The following GALNT13 variants were observed in gnomAD, a reference collection of about 807,000 sequenced individuals.
The protein encoded by GALNT13 is UDP-GalNAc:polypeptide N-acetylgalactosaminyltransferase 13.
GALNT13 carries 28 observed loss-of-function variants against 64.2 expected under a neutral mutation model. That is an observed-to-expected ratio of 0.44 (90% CI 0.32 to 0.60). GALNT13 has a LOEUF of 0.60. Among genes scored for constraint, GALNT13 ranks in the 20% least tolerant of loss-of-function variants. The pLI is 0.05. For missense variants in GALNT13, 577 were observed against 669.8 expected (o/e 0.86, Z 1.53); for synonymous variants, 214 against 224.6 (o/e 0.95, Z 0.42).
the GALNT13 span, among the ~76,000 whole-genome samples, chr2:153,282,450 G>A: frequency 6.6e-6 from 1 of 152,266 alleles, no homozygotes; most frequent in Admixed American, 6.5e-5. Context: ...GTCTCACTCT[G>A]TCACCCAGGT....
the GALNT13 span, among the ~76,000 whole-genome samples, chr2:153,180,699 C>CTTTTTTTTTTTTTTTTTTTTTTTTTTTT: frequency 1.3e-5 from 2 of 152,056 alleles, no homozygotes; most frequent in African/African-American, 4.8e-5. Context: ...TCTCCTTACT[C>CTTTTTTTTTTTTTTTTTTTTTTTTTTTT]TTAATTGGTT....
At chr2:153,520,362 G>A in the GALNT13 span, among the ~76,000 whole-genome samples, 4 of 151,986 alleles carry the variant, frequency 2.6e-5, no homozygotes, top group Non-Finnish European at 4.4e-5. Context: ...CATCATTTGA[G>A]GTTCATAATT....
intron 9 of GALNT13, among the ~76,000 whole-genome samples, chr2:154,348,744 C>T (rs1298473996): frequency 2.6e-5 from 4 of 151,856 alleles, no homozygotes; most frequent in African/African-American, 4.8e-5. Flanking sequence ...TCACAAAGCC[C>T]TCTTTGTCAC....
chr2:153,237,103 C>G, the GALNT13 span, among the ~76,000 whole-genome samples: 3 of 152,022 alleles, frequency 2.0e-5, no homozygotes, highest in East Asian at 5.8e-4. Context: ...GAAGTGGAGC[C>G]TGAAGTTGTA....
rs560975561 is a variant in GALNT13, at chr2:154,149,407, G to A, written c.311+8902G>A. Among the ~76,000 whole-genome samples, 120 of 151,974 alleles carry A rather than the reference G, an allele frequency of 7.9e-4. 3 individuals carry two copies. Among genetic ancestry groups the A allele is most frequent in the South Asian group, 5.9e-3 (28 of 4,768 alleles). On this transcript the variant is annotated intron_variant, in intron 4 of 12. Transcript: ENST00000392825. ...TTTGGCTTAGGATTGACTTGGTGGTGCGGGCTCTTTTTTGCTTCCATATGA... is the reference window on the plus strand; with the variant it reads ...TTTGGCTTAGGATTGACTTGGTGGTACGGGCTCTTTTTTGCTTCCATATGA...
the GALNT13 span, among the ~76,000 whole-genome samples, chr2:153,121,029 T>A: frequency 6.6e-6 from 1 of 152,180 alleles, no homozygotes; most frequent in Non-Finnish European, 1.5e-5. Context: ...AAAGTGCTGC[T>A]CCAGTTAGAA....
At chr2:154,327,888 T>C (rs1447882933) in intron 9 of GALNT13, among the ~76,000 whole-genome samples, 5 of 152,146 alleles carry the variant, frequency 3.3e-5, no homozygotes, top group African/African-American at 1.2e-4. Context: ...GCTTTTTAAG[T>C]TTTCCCTTCA....
chr2:154,298,525 TA>T (rs1321543470), intron 8 of GALNT13, among the ~76,000 whole-genome samples: 8 of 86,924 alleles, frequency 9.2e-5, no homozygotes, highest in African/African-American at 1.3e-4. Context: ...ATATTATATA[TA>T]AAATTGTATA....
the GALNT13 span, among the ~76,000 whole-genome samples, chr2:153,543,006 G>A: frequency 6.6e-6 from 1 of 152,168 alleles, no homozygotes; most frequent in African/African-American, 2.4e-5. Context: ...TTAAAAGGCT[G>A]AGATAAAAAT....
chr2:154,188,085 A>G (rs1559013545), intron 4 of GALNT13, among the ~76,000 whole-genome samples: 1 of 150,854 alleles, frequency 6.6e-6, no homozygotes, highest in Non-Finnish European at 1.5e-5. Flanking sequence ...TTCTTTTCTC[A>G]CAGCAGTGCA....
At chr2:153,952,948 G>T (rs1692300526) in intron 3 of GALNT13, among the ~76,000 whole-genome samples, 1 of 152,204 alleles carries the variant, frequency 6.6e-6, no homozygotes, top group Non-Finnish European at 1.5e-5. Context: ...GACTTAGCCA[G>T]TATAGTCCTT....
chr2:154,026,802 C>A (rs1050355561), intron 3 of GALNT13, among the ~76,000 whole-genome samples: 20 of 152,162 alleles, frequency 1.3e-4, no homozygotes, highest in Non-Finnish European at 2.2e-4. Context: ...AGGGATATTT[C>A]AGTCCATAAC....
the GALNT13 span, among the ~76,000 whole-genome samples, chr2:153,743,535 T>C: frequency 6.6e-6 from 1 of 151,986 alleles, no homozygotes; most frequent in Non-Finnish European, 1.5e-5. Context: ...ATTTATCTAT[T>C]TTTATTTTTG....
chr2:153,930,349 G>A (rs1574139344), intron 2 of GALNT13, among the ~76,000 whole-genome samples: 1 of 152,110 alleles, frequency 6.6e-6, no homozygotes, highest in Middle Eastern at 3.4e-3. Context: ...TCCCACTTGG[G>A]AATTTTTGTT....
At chr2:153,553,043 T>G in the GALNT13 span, among the ~76,000 whole-genome samples, 1 of 152,168 alleles carries the variant, frequency 6.6e-6, no homozygotes, top group African/African-American at 2.4e-5. Flanking sequence ...TGGGGACCCC[T>G]TTTCTAGAAC....
the GALNT13 span, among the ~76,000 whole-genome samples, chr2:153,847,899 T>G: frequency 6.6e-6 from 1 of 152,198 alleles, no homozygotes; most frequent in East Asian, 1.9e-4. Flanking sequence ...AAGGTTCAGC[T>G]ACAGTTTGAT....
At chr2:153,405,532 T>A in the GALNT13 span, among the ~76,000 whole-genome samples, 1 of 152,176 alleles carries the variant, frequency 6.6e-6, no homozygotes, top group Non-Finnish European at 1.5e-5. Context: ...AAAGCTGAAC[T>A]ATTTTCCACG....
the GALNT13 span, chr2:153,478,506 G>T: frequency 6.2e-7 from 1 of 1,609,022 alleles, no homozygotes; most frequent in African/African-American, 1.3e-5. Flanking sequence ...CCAGCGCCTC[G>T]CTGCTGTTGG....
At chr2:153,306,703 A>G in the GALNT13 span, among the ~76,000 whole-genome samples, 2 of 152,224 alleles carry the variant, frequency 1.3e-5, no homozygotes, top group African/African-American at 2.4e-5. Flanking sequence ...TTTGAAAAAT[A>G]GAAATAGGGA....
Sources: allele counts gnomAD v4.1 joint callset (sites outside exome capture counted in the v4.1 genomes callset), GRCh38; gene constraint gnomAD v4.1.1; transcripts MANE v1.5; gene names NCBI Gene and HGNC (gene_info 2026-07-23, HGNC 2026-07-21).